The following FGD4 variants were observed in gnomAD, a reference collection of about 807,000 sequenced individuals.
FGD4 encodes FYVE, RhoGEF and PH domain-containing protein 4.
A neutral mutation model predicts 102.0 loss-of-function variants in FGD4; 42 were observed. The observed-to-expected ratio is 0.41, with a 90% CI of 0.32 to 0.53. The LOEUF (loss-of-function observed/expected upper bound fraction) is 0.53. FGD4 is among the 20% of genes least tolerant of loss of function. The pLI, the probability that FGD4 is intolerant of heterozygous loss-of-function variation, is 0.21. For missense variants in FGD4, 902 were observed against 1,078.2 expected (o/e 0.84, Z 2.29); for synonymous variants, 380 against 375.7 (o/e 1.01, Z -0.13).
chr12:32,584,510 AC>A (rs1946849230), intron 4 of FGD4, among the ~76,000 whole-genome samples: 1 of 152,196 alleles, frequency 6.6e-6, no homozygotes, highest in South Asian at 2.1e-4. Context: ...ATGAGCTTGA[AC>A]AAGTCAATAA....
intron 1 of FGD4, among the ~76,000 whole-genome samples, chr12:32,423,957 A>G (rs1428609663): frequency 6.6e-6 from 1 of 151,828 alleles, no homozygotes; most frequent in Non-Finnish European, 1.5e-5. Context: ...AATTCCACAC[A>G]TAAGCTGAGA....
rs1951119263 is a variant in FGD4, at chr12:32,640,703, C to T, written c.*170C>T. 6.7e-6 allele frequency: 6 copies of T among 893,714 alleles called. No homozygotes were observed. The highest frequency in any genetic ancestry group is 8.4e-6 in the Non-Finnish European group (5 of 592,358). The allele number at this position is 893,714 out of a possible 1,614,324, so 55.4% of individuals were successfully genotyped here. On this transcript the variant is annotated 3_prime_UTR_variant, in exon 17 of 17. Coordinates refer to ENST00000534526, the MANE Select transcript of FGD4 (RefSeq NM_001370298.3). ...ATGTACTCTTAGTGAAATTAGTGTG[C>T]AGAGTCATTCTACCGATAAAGTTTT...
intron 4 of FGD4, among the ~76,000 whole-genome samples, chr12:32,589,775 C>T (rs1947325718): frequency 6.6e-6 from 1 of 152,216 alleles, no homozygotes; most frequent in Non-Finnish European, 1.5e-5. Context: ...AGATTAAAAG[C>T]TCTCACTTTT....
chr12:32,611,187 A>G lies in FGD4; in HGVS notation c.1653A>G (p.Glu551=), dbSNP rs1439087230. The G allele has an allele frequency of 6.2e-7, 1 of 1,614,220 alleles. No homozygotes were observed. The highest frequency in any genetic ancestry group is 8.5e-7 in the Non-Finnish European group (1 of 1,180,032). ...LEIYEMLGEE[E]DIVNPSNELI... is the part of the protein sequence containing the mutation. The stretch of plus-strand genomic sequence containing the variant: ...TTTATGAAATGTTGGGAGAAGAAGA[A>G]GACATTGTAAACCCTTCAAATGAAC... Residue 551 remains glutamate, a synonymous_variant, in exon 10 of 17, where the codon GAA becomes GAG. Coordinates refer to ENST00000534526, the MANE Select transcript of FGD4 (RefSeq NM_001370298.3).
Position 32,509,758 on chromosome 12 carries a change from C to G in FGD4, c.167-54379C>G, listed in dbSNP as rs1179909607. On this transcript the variant is annotated intron_variant, in intron 1 of 16. Transcript: ENST00000534526. Reference sequence around the variant, plus strand: ...GGGCAATAAATTCATCCAGGCCTTTCAAGGAGCTGGACCCTGGACAGCTAC... The same window carrying G: ...GGGCAATAAATTCATCCAGGCCTTTGAAGGAGCTGGACCCTGGACAGCTAC... Among the ~76,000 whole-genome samples, 4 of 152,298 alleles carry G rather than the reference C, an allele frequency of 2.6e-5. No individual in the cohort carries two copies. In the East Asian group the frequency reaches 7.7e-4, roughly 29 times the overall value.
intron 16 of FGD4, chr12:32,639,011 T>G: frequency 7.6e-7 from 1 of 1,323,496 alleles, no homozygotes; most frequent in Non-Finnish European, 9.9e-7. Context: ...TCTGTCCCCT[T>G]TCTTGTCTCA....
At chr12:32,534,289 T>C in intron 1 of FGD4, 1 of 1,326,260 alleles carries the variant, frequency 7.5e-7, no homozygotes, top group Non-Finnish European at 9.7e-7. Flanking sequence ...AAGGTCGTCC[T>C]TGGGCAGTAA....
intron 14 of FGD4, among the ~76,000 whole-genome samples, chr12:32,632,629 A>T (rs1452491708): frequency 6.6e-6 from 1 of 152,150 alleles, no homozygotes; most frequent in East Asian, 1.9e-4. Context: ...AGCAAAGGAA[A>T]GTCTGAAAGA....
intron 15 of FGD4, among the ~76,000 whole-genome samples, chr12:32,635,964 A>T (rs890492663): frequency 2.6e-5 from 4 of 151,706 alleles, no homozygotes; most frequent in Non-Finnish European, 5.9e-5. Context: ...GTGAGCTGAG[A>T]TCGTGCCATT....
At chr12:32,423,449 G>A (rs548881919) in intron 1 of FGD4, among the ~76,000 whole-genome samples, 72 of 151,686 alleles carry the variant, frequency 4.7e-4, no homozygotes, top group Non-Finnish European at 8.2e-4. Context: ...AAAATTAGCC[G>A]GGCGTGGTGG....
At chr12:32,425,812 A>G (rs751673198) in intron 1 of FGD4, among the ~76,000 whole-genome samples, 1 of 152,084 alleles carries the variant, frequency 6.6e-6, no homozygotes, top group Non-Finnish European at 1.5e-5. Flanking sequence ...ATGTATTCCT[A>G]GGTATTTTAT....
At chr12:32,565,217 T>C (rs189381760) in intron 2 of FGD4, among the ~76,000 whole-genome samples, 1 of 152,330 alleles carries the variant, frequency 6.6e-6, no homozygotes, top group African/African-American at 2.4e-5. Flanking sequence ...TAAGGATTTC[T>C]GAAAGAAAAT....
At chr12:32,534,374 T>A in intron 1 of FGD4, 1 of 1,476,020 alleles carries the variant, frequency 6.8e-7, no homozygotes, top group Middle Eastern at 1.8e-4. Context: ...TCAGCCTCCC[T>A]GAAGCTTTAC....
At chr12:32,529,503 C>T (rs1251649907) in intron 1 of FGD4, among the ~76,000 whole-genome samples, 1 of 151,930 alleles carries the variant, frequency 6.6e-6, no homozygotes, top group East Asian at 1.9e-4. Context: ...AATAATTTTC[C>T]TGTTACTTTT....
At chr12:32,500,704 T>G (rs1938154348) in intron 1 of FGD4, among the ~76,000 whole-genome samples, 1 of 152,180 alleles carries the variant, frequency 6.6e-6, no homozygotes, top group Non-Finnish European at 1.5e-5. Context: ...AGTGCTGGGA[T>G]TACAGGCGTG....
At chr12:32,524,150 A>G (rs1940862805) in intron 1 of FGD4, among the ~76,000 whole-genome samples, 1 of 151,776 alleles carries the variant, frequency 6.6e-6, no homozygotes, top group Non-Finnish European at 1.5e-5. Flanking sequence ...TAATCCCAGC[A>G]CTTTGGGAGG....
intron 1 of FGD4, chr12:32,485,840 G>A (rs1020369614): frequency 5.9e-6 from 7 of 1,194,492 alleles, no homozygotes; most frequent in Admixed American, 9.0e-5. Context: ...GTCCACCCCC[G>A]GTATTCTAGA....
chr12:32,631,743 A>G (rs959320364), intron 14 of FGD4, among the ~76,000 whole-genome samples: 5 of 151,946 alleles, frequency 3.3e-5, no homozygotes, highest in African/African-American at 1.2e-4. Context: ...TGACCTCGTG[A>G]TCTGCCTGCT....
chr12:32,568,480 C>T (rs188544239), intron 2 of FGD4, among the ~76,000 whole-genome samples: 14 of 152,322 alleles, frequency 9.2e-5, no homozygotes, highest in Admixed American at 8.5e-4. Flanking sequence ...GGCCTGTTTC[C>T]TGCCATGCTA....
Sources: allele counts gnomAD v4.1 joint callset (sites outside exome capture counted in the v4.1 genomes callset), GRCh38; gene constraint gnomAD v4.1.1; transcripts MANE v1.5; gene names NCBI Gene and HGNC (gene_info 2026-07-23, HGNC 2026-07-21).